NFIA: variants seen among roughly 807,000 people sequenced by gnomAD.
NFIA encodes nuclear factor 1 A-type.
In NFIA, 8 loss-of-function variants were observed where a neutral mutation model predicts 62.8. The observed-to-expected ratio is 0.13, with a 90% CI of 0.07 to 0.23. The LOEUF is 0.23. Ranked by LOEUF, NFIA falls within the 10% of genes least tolerant of loss-of-function variation. The pLI, the probability that NFIA is intolerant of heterozygous loss-of-function variation, is 1.00. For synonymous variants in NFIA, 235 were observed against 238.1 expected, an observed-to-expected ratio of 0.99 and a Z score of 0.12; for missense variants, 410 against 642.1, an observed-to-expected ratio of 0.64 and a Z score of 3.91.
intron 9 of NFIA, among the ~76,000 whole-genome samples, chr1:61,414,007 G>A (rs1022066316): frequency 2.7e-5 from 4 of 150,730 alleles, no homozygotes; most frequent in African/African-American, 9.8e-5. Context: ...TTCTGCAACA[G>A]AGTCTTGTTC....
intron 2 of NFIA, among the ~76,000 whole-genome samples, chr1:61,092,729 A>C (rs1646341932): frequency 6.6e-6 from 1 of 152,186 alleles, no homozygotes; most frequent in Admixed American, 6.5e-5. Context: ...TTTTAGTTTT[A>C]TTTTGGCTTC....
At chr1:61,406,119 CAT>C (rs1179789849) in intron 8 of NFIA, among the ~76,000 whole-genome samples, 4 of 151,914 alleles carry the variant, frequency 2.6e-5, no homozygotes, top group Admixed American at 2.6e-4. Context: ...TGTAAAGAAA[CAT>C]AGTGGAATAA....
chr1:61,361,341 TTA>T (rs1458708180), intron 6 of NFIA, among the ~76,000 whole-genome samples: 1 of 152,168 alleles, frequency 6.6e-6, no homozygotes, highest in East Asian at 1.9e-4. Flanking sequence ...AATGAAAAGT[TTA>T]TGTGCTATTA....
At chr1:61,157,761 C>G (rs1423131991) in intron 2 of NFIA, among the ~76,000 whole-genome samples, 2 of 152,164 alleles carry the variant, frequency 1.3e-5, no homozygotes, top group Non-Finnish European at 2.9e-5. Flanking sequence ...CACATAGCTT[C>G]TCTGCTGACC....
chr1:61,257,067 C>T (rs1394056609), intron 2 of NFIA, among the ~76,000 whole-genome samples: 8 of 152,214 alleles, frequency 5.3e-5, no homozygotes, highest in African/African-American at 7.2e-5. Context: ...TTAGCAAATT[C>T]GCAAATAATT....
intron 2 of NFIA, among the ~76,000 whole-genome samples, chr1:61,205,732 G>A (rs1440366035): frequency 6.6e-6 from 1 of 152,050 alleles, no homozygotes; most frequent in East Asian, 1.9e-4. Context: ...AACGAGACAG[G>A]ACCAGAGAGG....
chr1:61,423,453 A>G (rs1666724855), intron 9 of NFIA, among the ~76,000 whole-genome samples: 1 of 152,020 alleles, frequency 6.6e-6, no homozygotes, highest in Non-Finnish European at 1.5e-5. Flanking sequence ...TCCCCAGAAA[A>G]CTATTTTCTG....
intron 3 of NFIA, among the ~76,000 whole-genome samples, chr1:61,284,148 CA>C (rs1557681736): frequency 1.3e-5 from 2 of 152,174 alleles, no homozygotes; most frequent in Non-Finnish European, 2.9e-5. Flanking sequence ...GCAGCAATAA[CA>C]GTTATGATCA....
intron 2 of NFIA, among the ~76,000 whole-genome samples, chr1:61,208,911 A>G (rs1271016198): frequency 6.6e-6 from 1 of 152,196 alleles, no homozygotes; most frequent in Admixed American, 6.5e-5. Flanking sequence ...AGTCAAAGAT[A>G]CTTGTTTTAT....
intron 10 of NFIA, among the ~76,000 whole-genome samples, chr1:61,439,807 AT>A (rs1333480481): frequency 6.6e-6 from 1 of 152,244 alleles, no homozygotes; most frequent in East Asian, 1.9e-4. Context: ...CAAGTGAAAA[AT>A]AGACTTAGTG....
chr1:61,406,155 G>A (rs1665808059), intron 8 of NFIA, among the ~76,000 whole-genome samples: 1 of 152,110 alleles, frequency 6.6e-6, no homozygotes, highest in Admixed American at 6.5e-5. Context: ...AAAACACTTA[G>A]ATATTAAATA....
At chr1:61,247,487 G>A (rs1009183967) in intron 2 of NFIA, among the ~76,000 whole-genome samples, 4 of 152,112 alleles carry the variant, frequency 2.6e-5, no homozygotes, top group African/African-American at 9.7e-5. Flanking sequence ...CTACTTTCTG[G>A]GTCCTCGTTA....
At chr1:61,278,513 G>A (rs1657946433) in intron 3 of NFIA, among the ~76,000 whole-genome samples, 2 of 151,988 alleles carry the variant, frequency 1.3e-5, no homozygotes, top group Admixed American at 6.6e-5. Context: ...CTGTGGGCTG[G>A]GCGTGGTGGC....
intron 2 of NFIA, among the ~76,000 whole-genome samples, chr1:61,199,308 A>C (rs1171240124): frequency 2.6e-5 from 4 of 152,250 alleles, no homozygotes; most frequent in African/African-American, 9.6e-5. Flanking sequence ...CAAAAAAGAC[A>C]TACTGCTGGT....
intron 2 of NFIA, among the ~76,000 whole-genome samples, chr1:61,094,433 A>G (rs187639211): frequency 1.2e-4 from 19 of 152,324 alleles, no homozygotes; most frequent in Middle Eastern, 3.4e-3. Context: ...AATTTTTTGC[A>G]TAGCTTTTTT....
At chr1:61,289,385 A>G (rs1329644504) in intron 3 of NFIA, among the ~76,000 whole-genome samples, 1 of 152,142 alleles carries the variant, frequency 6.6e-6, no homozygotes, top group East Asian at 1.9e-4. Context: ...AATCCTATGG[A>G]GGTAGGTGCT....
intron 10 of NFIA, among the ~76,000 whole-genome samples, chr1:61,427,736 A>AG: frequency 6.6e-6 from 1 of 152,318 alleles, no homozygotes; most frequent in South Asian, 2.1e-4. Context: ...CTGGGAGGAC[A>AG]GGGGGAGCTA....
intron 7 of NFIA, among the ~76,000 whole-genome samples, chr1:61,387,031 C>T (rs1041362434): frequency 1.3e-5 from 2 of 152,130 alleles, no homozygotes; most frequent in African/African-American, 4.8e-5. Flanking sequence ...GAGGGCCCCA[C>T]CCTGTGACCT....
intron 1 of NFIA, among the ~76,000 whole-genome samples, chr1:61,083,804 G>A (rs1646167821): frequency 6.6e-6 from 1 of 151,584 alleles, no homozygotes; most frequent in Non-Finnish European, 1.5e-5. Flanking sequence ...CGCGACTCCG[G>A]CCGCTCCGCG....
Sources: allele counts gnomAD v4.1 joint callset (sites outside exome capture counted in the v4.1 genomes callset), GRCh38; gene constraint gnomAD v4.1.1; transcripts MANE v1.5; gene names NCBI Gene and HGNC (gene_info 2026-07-23, HGNC 2026-07-21).